Variants in ZYG11B observed in about 807,000 individuals in gnomAD.
The protein encoded by ZYG11B is zyg-11 family member B, cell cycle regulator, also known as protein zyg-11 homolog B.
ZYG11B carries 36 observed loss-of-function variants against 82.4 expected under a neutral mutation model. That is an observed-to-expected ratio of 0.44 (90% confidence interval 0.33 to 0.58). ZYG11B has a LOEUF of 0.58. ZYG11B is among the 20% of genes least tolerant of loss of function. The probability of loss-of-function intolerance (pLI) is 0.02; values close to 1 mark genes in which losing one functional copy is unlikely to be tolerated. For missense variants in ZYG11B, 552 were observed against 895.6 expected (o/e 0.62, Z 4.90); for synonymous variants, 303 against 312.8 (o/e 0.97, Z 0.33).
intron 12 of ZYG11B, among the ~76,000 whole-genome samples, chr1:52,815,827 T>C (rs949599533): frequency 3.3e-5 from 5 of 151,776 alleles, no homozygotes; most frequent in Admixed American, 3.3e-4. Context: ...CCCAGCTACT[T>C]GGGAGGCTGA....
At chr1:52,793,429 T>C (rs1271783155) in intron 6 of ZYG11B, among the ~76,000 whole-genome samples, 1 of 151,584 alleles carries the variant, frequency 6.6e-6, no homozygotes, top group East Asian at 1.9e-4. Context: ...GAGGCAGAGG[T>C]TGAGGGAGCC....
chr1:52,746,687 GTT>G (rs11446988), intron 1 of ZYG11B, among the ~76,000 whole-genome samples: 31 of 33,506 alleles, frequency 9.3e-4, no homozygotes, highest in Admixed American at 5.1e-3. Context: ...ATCGGCCACT[GTT>G]TTTTTTTTTT....
chr1:52,783,767 C>T (rs768875629), intron 4 of ZYG11B, among the ~76,000 whole-genome samples: 1 of 146,378 alleles, frequency 6.8e-6, no homozygotes, highest in Non-Finnish European at 1.5e-5. Flanking sequence ...GGACTATAGG[C>T]GTGTACTACC....
At chr1:52,817,813 ATAT>A (rs1645247395) in intron 13 of ZYG11B, among the ~76,000 whole-genome samples, 1 of 34,386 alleles carries the variant, frequency 2.9e-5, no homozygotes, top group Non-Finnish European at 4.9e-5. Context: ...ATATATATAT[ATAT>A]TTTTTTTTTT....
At chr1:52,804,328 G>A (rs533879728) in intron 10 of ZYG11B, among the ~76,000 whole-genome samples, 12 of 152,058 alleles carry the variant, frequency 7.9e-5, no homozygotes, top group African/African-American at 2.4e-4. Context: ...GACTGCTTAC[G>A]AAGGCCGAGT....
At chr1:52,756,744 T>G in intron 2 of ZYG11B, 121 bp downstream of exon 2, 2 of 833,758 alleles carry the variant, frequency 2.4e-6, no homozygotes, top group Non-Finnish European at 3.6e-6. Flanking sequence ...ATGAGCCTGA[T>G]TCCAGGACTA....
At position 52,803,131 on chromosome 1, in the gene ZYG11B, TATAC is replaced by T. The variant is rs1558140164; in HGVS notation, c.1695+994_1695+997del. 1.9e-4 allele frequency among the ~76,000 whole-genome samples: 14 copies of T among 74,236 alleles called. 1 individual carries two copies. The highest frequency in any genetic ancestry group is 1.4e-3 in the South Asian group (4 of 2,834). The allele number at this position is 74,236 out of a possible 152,430, so 48.7% of individuals were successfully genotyped here. A position where few individuals can be genotyped will look rare whatever the true frequency, so the allele number is the denominator to read the frequency against. On this transcript the variant is annotated intron_variant, in intron 10 of 13. Coordinates refer to ENST00000294353, the MANE Select transcript of ZYG11B (RefSeq NM_024646.3). ...ATATATATATATACACACATATATATATACACACATATATATATATATACACATA... is the reference window on the plus strand; with the variant it reads ...ATATATATATATACACACATATATATACACATATATATATATATACACATA...
chr1:52,748,364 G>A (rs1558120085), intron 1 of ZYG11B, among the ~76,000 whole-genome samples: 1 of 152,150 alleles, frequency 6.6e-6, no homozygotes, highest in African/African-American at 2.4e-5. Flanking sequence ...CTGAGCCTCA[G>A]TTTACTTTTG....
At chr1:52,787,349 C>T (rs80256264) in intron 5 of ZYG11B, among the ~76,000 whole-genome samples, 4,005 of 152,088 alleles carry the variant, frequency 0.026, 139 homozygotes, top group East Asian at 0.17. Flanking sequence ...CAAAACTATA[C>T]GACACATTAT....
At chr1:52,781,254 T>A (rs550578858) in intron 4 of ZYG11B, among the ~76,000 whole-genome samples, 5 of 152,140 alleles carry the variant, frequency 3.3e-5, no homozygotes, top group South Asian at 4.1e-4. Flanking sequence ...ATCCCAGTAC[T>A]TTGGGAAGCC....
intron 5 of ZYG11B, 65 bp from the exon 6 acceptor site, chr1:52,789,938 A>G (rs1644942983): frequency 1.8e-6 from 2 of 1,093,860 alleles, no homozygotes; most frequent in South Asian, 3.7e-5. Context: ...TATGGAAGCT[A>G]CCATGGTTAA....
At chr1:52,792,871 G>A (rs977655816) in intron 6 of ZYG11B, among the ~76,000 whole-genome samples, 7 of 151,818 alleles carry the variant, frequency 4.6e-5, no homozygotes, top group Non-Finnish European at 7.4e-5. Context: ...ACAGAGTTTC[G>A]CTCTTGTTGC....
At position 52,726,472 on chromosome 1, in the gene ZYG11B, GGGCTGCGGCTGCGGCTGC is replaced by G. The variant is rs879654681; in HGVS notation, c.-169_-152del. 9.4e-5 allele frequency: 50 copies of G among 529,398 alleles called. No individual in the cohort carries two copies. The highest frequency in any genetic ancestry group is 2.3e-4 in the Admixed American group (5 of 21,992). The allele number at this position is 529,398 out of a possible 1,614,324, so 32.8% of individuals were successfully genotyped here. On this transcript the variant is annotated 5_prime_UTR_variant, in exon 1 of 14. Coordinates refer to ENST00000294353, the MANE Select transcript of ZYG11B (RefSeq NM_024646.3). The stretch of plus-strand genomic sequence containing the variant: ...GGGGGCGGAGTCTGCGCTCTGGTTC[GGGCTGCGGCTGCGGCTGC>G]GGCTGCGGCTGCTACTGCTACGCTC...
intron 8 of ZYG11B, among the ~76,000 whole-genome samples, chr1:52,797,570 A>G (rs1040404082): frequency 2.3e-5 from 3 of 130,126 alleles, no homozygotes; most frequent in African/African-American, 8.6e-5. Context: ...GTGCAGTGGT[A>G]CGATCTCGGC....
At chr1:52,775,940 A>T (rs1237072060) in intron 3 of ZYG11B, among the ~76,000 whole-genome samples, 1 of 151,156 alleles carries the variant, frequency 6.6e-6, no homozygotes, top group Non-Finnish European at 1.5e-5. Flanking sequence ...CAATGTCTGG[A>T]TGCAGTGGCT....
intron 10 of ZYG11B, among the ~76,000 whole-genome samples, chr1:52,808,320 C>T (rs905436553): frequency 6.6e-6 from 1 of 152,128 alleles, no homozygotes; most frequent in African/African-American, 2.4e-5. Flanking sequence ...GCCGAGATCA[C>T]GCCATTGCAC....
rs1644768768 is a variant in ZYG11B at position 52,772,978 on chromosome 1, C to T, written c.951+1204C>T. ...AGGCATGAGCCACCGCGCCCAGCTA[C>T]ATATACTGTTTTTAATGGATAACTT... On this transcript the variant is annotated intron_variant, in intron 3 of 13. Transcript: ENST00000294353. Among the ~76,000 whole-genome samples the T allele has an allele frequency of 3.3e-5, 5 of 152,020 alleles. No individual in the cohort carries two copies. The South Asian group carries it at 1.0e-3, about 32-fold the overall frequency.
intron 1 of ZYG11B, among the ~76,000 whole-genome samples, chr1:52,742,867 G>T (rs1473113608): frequency 6.6e-6 from 1 of 150,956 alleles, no homozygotes; most frequent in African/African-American, 2.4e-5. Flanking sequence ...GAGTCAAAAA[G>T]TTAATAAAAA....
intron 1 of ZYG11B, among the ~76,000 whole-genome samples, chr1:52,746,692 T>TTG (rs1250958600): frequency 1.7e-5 from 2 of 120,034 alleles, no homozygotes; most frequent in Non-Finnish European, 3.3e-5. Context: ...CCACTGTTTT[T>TTG]TTTTTTTTTT....
Sources: gnomAD v4.1 joint callset for allele counts (sites outside exome capture counted in the v4.1 genomes callset) on GRCh38, gnomAD v4.1.1 for gene constraint, MANE v1.5 for transcripts, NCBI Gene and HGNC (gene_info 2026-07-23, HGNC 2026-07-21) for gene names.